GRIN2A: variants seen among roughly 807,000 people sequenced by gnomAD.
GRIN2A encodes glutamate ionotropic receptor NMDA type subunit 2A.
A neutral mutation model predicts 113.4 loss-of-function variants in GRIN2A; 22 were observed. The ratio of observed to expected loss-of-function variants is 0.19; its 90% CI spans 0.14 to 0.28. The LOEUF (loss-of-function observed/expected upper bound fraction) is 0.28, where lower values mean the gene tolerates loss of function less well. GRIN2A is among the 10% of genes least tolerant of loss of function. The pLI, the probability that GRIN2A is intolerant of heterozygous loss-of-function variation, is 1.00. For synonymous variants in GRIN2A, 827 were observed against 738.4 expected, an observed-to-expected ratio of 1.12 and a Z score of -1.94; for missense variants, 1,502 against 1,887.0, an observed-to-expected ratio of 0.80 and a Z score of 3.78.
chr16:10,060,486 AG>A (rs1289306564), intron 2 of GRIN2A, among the ~76,000 whole-genome samples: 1 of 152,234 alleles, frequency 6.6e-6, no homozygotes, highest in African/African-American at 2.4e-5. Flanking sequence ...CTATGTCTGG[AG>A]GAACCCAAAA....
chr16:10,165,183 A>T (rs964511066), intron 2 of GRIN2A, among the ~76,000 whole-genome samples: 3 of 152,178 alleles, frequency 2.0e-5, no homozygotes, highest in African/African-American at 7.2e-5. Flanking sequence ...ATCATGAGAT[A>T]TCCACAGAAT....
intron 4 of GRIN2A, among the ~76,000 whole-genome samples, chr16:9,850,245 T>C (rs916598352): frequency 1.3e-5 from 2 of 152,286 alleles, no homozygotes; most frequent in South Asian, 2.1e-4. Context: ...GTGGTTCTAA[T>C]GTTCTGCCAG....
intron 2 of GRIN2A, among the ~76,000 whole-genome samples, chr16:9,958,086 T>C (rs1360786611): frequency 6.6e-6 from 1 of 152,224 alleles, no homozygotes; most frequent in African/African-American, 2.4e-5. Context: ...AGGAAGTTGC[T>C]TAGCTTCTCT....
At chr16:9,772,205 T>G (rs141004869) in intron 11 of GRIN2A, among the ~76,000 whole-genome samples, 118 of 152,284 alleles carry the variant, frequency 7.7e-4, no homozygotes, top group African/African-American at 2.6e-3. Flanking sequence ...TGGGAGACTT[T>G]GAAATAATAT....
intron 2 of GRIN2A, among the ~76,000 whole-genome samples, chr16:10,125,314 G>A (rs766134287): frequency 5.3e-5 from 8 of 152,036 alleles, no homozygotes; most frequent in South Asian, 2.1e-4. Context: ...ATTTATTGTC[G>A]AAGAAGCAGG....
At chr16:9,795,739 C>G (rs1902944012) in intron 11 of GRIN2A, among the ~76,000 whole-genome samples, 1 of 152,186 alleles carries the variant, frequency 6.6e-6, no homozygotes, top group African/African-American at 2.4e-5. Context: ...TTTCTGTACC[C>G]TTTCACAGAT....
chr16:9,768,273 C>T (rs559428233), intron 12 of GRIN2A, among the ~76,000 whole-genome samples: 16 of 152,184 alleles, frequency 1.1e-4, no homozygotes, highest in African/African-American at 3.4e-4. Context: ...AGGATGGTCT[C>T]GATCTCCTGA....
intron 2 of GRIN2A, among the ~76,000 whole-genome samples, chr16:9,968,024 C>T (rs2045589764): frequency 6.6e-6 from 1 of 152,064 alleles, no homozygotes; most frequent in Admixed American, 6.6e-5. Flanking sequence ...AAAGGTAGTC[C>T]CCATCTATTA....
At chr16:9,870,905 T>G (rs987773806) in intron 4 of GRIN2A, among the ~76,000 whole-genome samples, 6 of 152,196 alleles carry the variant, frequency 3.9e-5, no homozygotes, top group Admixed American at 2.0e-4. Context: ...CCCTAAGTGC[T>G]AGGATTATAG....
intron 2 of GRIN2A, among the ~76,000 whole-genome samples, chr16:10,064,355 G>C (rs954984413): frequency 6.6e-6 from 1 of 152,146 alleles, no homozygotes; most frequent in Admixed American, 6.5e-5. Flanking sequence ...GTTGTCACTG[G>C]TCTAACCTCA....
At chr16:9,994,975 G>A (rs928480875) in intron 2 of GRIN2A, among the ~76,000 whole-genome samples, 4 of 152,178 alleles carry the variant, frequency 2.6e-5, no homozygotes, top group African/African-American at 7.2e-5. Context: ...GAGGGGAGGG[G>A]CTCTTGGAGA....
Position 9,758,434 on chromosome 16 carries a change from C to T in GRIN2A, c.*4715G>A, listed in dbSNP as rs539127177. The T allele has an allele frequency of 6.8e-5, 15 of 221,094 alleles. No homozygotes were observed. The highest frequency in any genetic ancestry group is 3.1e-4 in the African/African-American group (14 of 44,784). 13.7% of individuals were successfully genotyped at this position (221,094 alleles called of 1,614,324 possible). On this transcript the variant is annotated 3_prime_UTR_variant, in exon 13 of 13. Transcript: ENST00000330684. ...TATTCTACTTAGGCTCTGTCATCCT[C>T]CCTACAACTGAGATTAAAAAAATAT...
chr16:9,918,297 G>A (rs1468692053), intron 3 of GRIN2A, among the ~76,000 whole-genome samples: 2 of 152,318 alleles, frequency 1.3e-5, no homozygotes, highest in African/African-American at 2.4e-5. Context: ...CCCAGTGGAT[G>A]CCTGAAACTG....
chr16:9,803,678 G>T (rs1274986682), intron 10 of GRIN2A, among the ~76,000 whole-genome samples: 1 of 152,084 alleles, frequency 6.6e-6, no homozygotes, highest in Non-Finnish European at 1.5e-5. Context: ...GTGCAGGGAT[G>T]GGCATACTAC....
rs35189803 is a variant in GRIN2A at position 9,760,374 on chromosome 16, A to ATTTTTTTTTTTTTTTTTTTTTTTTTT, written c.*2774_*2775insAAAAAAAAAAAAAAAAAAAAAAAAAA. 2.2e-5 allele frequency: 2 copies of ATTTTTTTTTTTTTTTTTTTTTTTTTT among 89,550 alleles called. 1 individual carries two copies. The highest frequency in any genetic ancestry group is 3.9e-5 in the Non-Finnish European group (2 of 51,648). The allele number at this position is 89,550 out of a possible 1,614,324, so 5.5% of individuals were successfully genotyped here. On this transcript the variant is annotated 3_prime_UTR_variant, in exon 13 of 13. Transcript: ENST00000330684. The stretch of plus-strand genomic sequence containing the variant: ...AAATTGACCATCTGATCAGTAGTTG[A>ATTTTTTTTTTTTTTTTTTTTTTTTTT]TTTTTTTTTTTTTTTTTTTTTTTTG...
At chr16:10,085,425 T>G (rs1302001561) in intron 2 of GRIN2A, among the ~76,000 whole-genome samples, 1 of 152,220 alleles carries the variant, frequency 6.6e-6, no homozygotes, top group African/African-American at 2.4e-5. Context: ...ATGTTCATTT[T>G]GGGGTGAAAA....
chr16:10,128,451 G>C (rs2048991155), intron 2 of GRIN2A, among the ~76,000 whole-genome samples: 1 of 152,212 alleles, frequency 6.6e-6, no homozygotes, highest in Admixed American at 6.5e-5. Flanking sequence ...TATCTGGGAA[G>C]TGTGAACTGT....
Position 9,841,121 on chromosome 16 carries a change from C to A in GRIN2A, c.1329-17G>T, listed in dbSNP as rs2141346327. 1 of 1,605,454 alleles carries A rather than the reference C, an allele frequency of 6.2e-7. No individual in the cohort carries two copies. Among genetic ancestry groups the A allele is most frequent in the Non-Finnish European group, 8.5e-7 (1 of 1,172,286 alleles). Reference sequence around the variant, plus strand: ...GTTGAATTGCTGTAAAGAAAAACCCCAAGACCACAGAATGTTAGCACTGGA... The same window carrying A: ...GTTGAATTGCTGTAAAGAAAAACCCAAAGACCACAGAATGTTAGCACTGGA... On this transcript the variant is annotated splice_polypyrimidine_tract_variant and intron_variant, in intron 5 of 12. Transcript: ENST00000330684.
intron 3 of GRIN2A, among the ~76,000 whole-genome samples, chr16:9,905,408 T>C (rs16966688): frequency 0.013 from 1,954 of 152,296 alleles, 43 homozygotes; most frequent in African/African-American, 0.044. Context: ...TTTTCAGAAC[T>C]GGGCAGATAA....
Sources: allele counts gnomAD v4.1 joint callset (sites outside exome capture counted in the v4.1 genomes callset), GRCh38; gene constraint gnomAD v4.1.1; transcripts MANE v1.5; gene names NCBI Gene and HGNC (gene_info 2026-07-23, HGNC 2026-07-21).